CYFIP1: variants seen among roughly 807,000 people sequenced by gnomAD.
CYFIP1 encodes the protein cytoplasmic FMR1 interacting protein 1, also known as cytoplasmic FMR1-interacting protein 1.
CYFIP1 carries 58 observed loss-of-function variants against 163.5 expected under a neutral mutation model. The ratio of observed to expected loss-of-function variants is 0.35; its 90% CI spans 0.29 to 0.44. CYFIP1 has a LOEUF of 0.44. Ranked by LOEUF, CYFIP1 falls within the 20% of genes least tolerant of loss-of-function variation. The probability of loss-of-function intolerance (pLI) is 1.00; values close to 1 mark genes in which losing one functional copy is unlikely to be tolerated. For missense variants in CYFIP1, 1,338 were observed against 1,653.8 expected (o/e 0.81, Z 3.31); for synonymous variants, 663 against 660.7 (o/e 1.00, Z -0.05).
chr15:22,930,507 C>T (rs1203373304), intron 11 of CYFIP1, among the ~76,000 whole-genome samples: 2 of 151,700 alleles, frequency 1.3e-5, no homozygotes, highest in Non-Finnish European at 1.5e-5. Flanking sequence ...TCAACAAGAC[C>T]ACACACATGA....
chr15:22,917,952 G>C lies in CYFIP1; in HGVS notation c.1527-17C>G, dbSNP rs1000050554. 6.2e-7 allele frequency: 1 copy of C among 1,610,010 alleles called. No homozygotes were observed. Among genetic ancestry groups the C allele is most frequent in the Non-Finnish European group, 8.5e-7 (1 of 1,178,302 alleles). ...TGCAGGACACTGAACACCCCACCAAGTGATCAGCAAGGCCCAGAGGCCGAG... is the reference window on the plus strand; with the variant it reads ...TGCAGGACACTGAACACCCCACCAACTGATCAGCAAGGCCCAGAGGCCGAG... On this transcript the variant is annotated splice_polypyrimidine_tract_variant and intron_variant, in intron 14 of 30. Transcript: ENST00000617928. The surrounding 1 kb of genome is among the most constrained non-coding windows in gnomAD (Gnocchi z 4.2).
In CYFIP1 at chr15:22,943,280, T is replaced by G; in HGVS notation, c.462A>C (p.Ser154=). 6.2e-7 allele frequency: 1 copy of G among 1,614,228 alleles called. No homozygotes were observed. Among genetic ancestry groups the G allele is most frequent in the South Asian group, 1.1e-5 (1 of 91,090 alleles). The change falls in exon 6 of 31, where the codon TCA becomes TCC. Residue 154 remains serine (S), a synonymous_variant. Coordinates refer to ENST00000617928, the MANE Select transcript of CYFIP1 (RefSeq NM_014608.6). The part of the protein sequence containing the change: ...CHAERRKDFV[S]EAYLITLGKF... Reference sequence around the variant, plus strand: ...TGCCCAGTGTGATCAGGTAGGCTTCTGACACGAAGTCCTTCCTCCTCTCGG... The same window carrying G: ...TGCCCAGTGTGATCAGGTAGGCTTCGGACACGAAGTCCTTCCTCCTCTCGG...
At chr15:22,913,908 C>T (rs1255845708) in intron 17 of CYFIP1, among the ~76,000 whole-genome samples, 3 of 152,220 alleles carry the variant, frequency 2.0e-5, no homozygotes, top group Non-Finnish European at 2.9e-5. Context: ...CTGGGCACCA[C>T]AAGGGATGTG....
chr15:22,973,510 T>C (rs2063170248), intron 1 of CYFIP1, among the ~76,000 whole-genome samples: 1 of 152,050 alleles, frequency 6.6e-6, no homozygotes, highest in East Asian at 1.9e-4. Flanking sequence ...GTGTATCCTT[T>C]GACCAACATC....
In CYFIP1 at chr15:22,869,968, CT is replaced by C; in HGVS notation, c.*59del. On this transcript the variant is annotated 3_prime_UTR_variant, in exon 31 of 31. Transcript: ENST00000617928. ...TGAAAAATAGTCCCTAAAAATCTCA[CT>C]AAATAGTTTACGGAGAGAAAGGCAT... 1 of 1,463,778 alleles carries C rather than the reference CT, an allele frequency of 6.8e-7. No individual in the cohort carries two copies. Among genetic ancestry groups the C allele is most frequent in the Non-Finnish European group, 9.1e-7 (1 of 1,103,652 alleles). The allele number at this position is 1,463,778 out of a possible 1,614,324, so 90.7% of individuals were successfully genotyped here.
chr15:22,873,525 A>G lies in CYFIP1; in HGVS notation c.3415T>C (p.Cys1139Arg). 6.2e-7 allele frequency: 1 copy of G among 1,614,144 alleles called. No individual in the cohort carries two copies. The highest frequency in any genetic ancestry group is 8.5e-7 in the Non-Finnish European group (1 of 1,179,976). ...AACTCGTGTGTCCCCACGGGAATGC[A>G]GTAGACAAACTGCATGGCACTCCAC... ...RLWSAMQFVY[C>R]IPVGTHEFTV... The change falls in exon 29 of 31, where the codon TGC becomes CGC. Residue 1139 changes from cysteine to arginine, a missense_variant. By Grantham distance (180) the Cys-to-Arg change is radical. Coordinates refer to ENST00000617928, the MANE Select transcript of CYFIP1 (RefSeq NM_014608.6).
intron 12 of CYFIP1, among the ~76,000 whole-genome samples, chr15:22,927,520 C>T (rs576473599): frequency 3.4e-5 from 5 of 148,660 alleles, no homozygotes; most frequent in South Asian, 4.3e-4. Context: ...AGCCGGGAGC[C>T]GTGGTGCACA....
Position 22,970,920 on chromosome 15 carries a change from C to CA in CYFIP1, c.-7+9366dup, listed in dbSNP as rs2063072617. 1.3e-5 allele frequency among the ~76,000 whole-genome samples: 2 copies of CA among 151,894 alleles called. 1 individual carries two copies. The highest frequency in any genetic ancestry group is 1.3e-4 in the Admixed American group (2 of 15,220). On this transcript the variant is annotated intron_variant, in intron 1 of 30. Coordinates refer to ENST00000617928, the MANE Select transcript of CYFIP1 (RefSeq NM_014608.6). ...TGAAATCCCGTCTCTACTAAAAATA[C>CA]AAAAAATTAGCTGGGTGTGGTGGCG... is the stretch of plus-strand genomic sequence containing the variant.
Position 22,926,024 on chromosome 15 carries a change from C to T in CYFIP1, c.1317G>A (p.Thr439=), listed in dbSNP as rs765112283. The change falls in exon 13 of 31, where the codon ACG becomes ACA. Residue 439 remains threonine, a synonymous_variant. Coordinates refer to ENST00000617928, the MANE Select transcript of CYFIP1 (RefSeq NM_014608.6). Reference sequence around the variant, plus strand: ...TCTCCTCGCTGGTGTAGTTGTAGCGCGTGGCACGCTCGTACTCTTCAGCGC... The same window carrying T: ...TCTCCTCGCTGGTGTAGTTGTAGCGTGTGGCACGCTCGTACTCTTCAGCGC... ...PDSAEEYERA[T]RYNYTSEEKF... is the part of the protein sequence containing the mutation. 15 of 1,614,014 alleles carry T rather than the reference C, an allele frequency of 9.3e-6. No homozygotes were observed. Among genetic ancestry groups the T allele is most frequent in the East Asian group, 4.5e-5 (2 of 44,880 alleles).
chr15:22,891,403 C>T (rs1260355912), intron 23 of CYFIP1, among the ~76,000 whole-genome samples: 2 of 152,094 alleles, frequency 1.3e-5, no homozygotes, highest in African/African-American at 2.4e-5. Context: ...CCAGCCTGGG[C>T]GACAAAGTGA....
intron 11 of CYFIP1, among the ~76,000 whole-genome samples, chr15:22,929,962 T>G (rs1454879509): frequency 6.6e-6 from 1 of 151,062 alleles, no homozygotes; most frequent in Non-Finnish European, 1.5e-5. Context: ...AAGACTAGAT[T>G]ATGACATAAT....
At chr15:22,872,626 A>C in intron 30 of CYFIP1, 199 bp downstream of exon 30, 1 of 568,272 alleles carries the variant, frequency 1.8e-6, no homozygotes, top group South Asian at 2.1e-5. Context: ...AGGAAAACGG[A>C]ACAATGAGTA....
chr15:22,953,443 G>A (rs1192217960), intron 1 of CYFIP1, among the ~76,000 whole-genome samples: 1 of 152,162 alleles, frequency 6.6e-6, no homozygotes, highest in Non-Finnish European at 1.5e-5. Context: ...TGCACCCTGG[G>A]ATTTTTTCCG....
At chr15:22,939,352 G>C in intron 7 of CYFIP1, 32 bp from the exon 8 acceptor site, 1 of 1,614,058 alleles carries the variant, frequency 6.2e-7, no homozygotes, top group Non-Finnish European at 8.5e-7. Context: ...TCATGCATGG[G>C]CCCGGCGCCC....
At position 22,875,284 on chromosome 15, in the gene CYFIP1, A is replaced by G. The variant is rs972423398; in HGVS notation, c.3043-13T>C. ...CTTCTTCTAAAGACTAGAGCAGAGA[A>G]AGAGAGGGTCAAGCTAGGAAGGGTA... On this transcript the variant is annotated splice_polypyrimidine_tract_variant and intron_variant, in intron 26 of 30. Coordinates refer to ENST00000617928, the MANE Select transcript of CYFIP1 (RefSeq NM_014608.6). 5.0e-6 allele frequency: 8 copies of G among 1,613,062 alleles called. No homozygotes were observed. The highest frequency in any genetic ancestry group is 6.8e-6 in the Non-Finnish European group (8 of 1,179,102).
At chr15:22,920,298 A>T (rs1387751632) in intron 13 of CYFIP1, among the ~76,000 whole-genome samples, 1 of 150,374 alleles carries the variant, frequency 6.7e-6, no homozygotes, top group Non-Finnish European at 1.5e-5. Flanking sequence ...CTGGGTAACT[A>T]GTTCTATAAG....
Position 22,873,747 on chromosome 15 carries a change from C to T in CYFIP1, c.3211-18G>A, listed in dbSNP as rs766153086. 6.9e-6 allele frequency: 11 copies of T among 1,593,234 alleles called. No individual in the cohort carries two copies. The highest frequency in any genetic ancestry group is 1.1e-5 in the South Asian group (1 of 88,926). On this transcript the variant is annotated intron_variant, in intron 28 of 30. Coordinates refer to ENST00000617928, the MANE Select transcript of CYFIP1 (RefSeq NM_014608.6). ...GCAATTTGCTGCAGAAAGGACAAGC[C>T]GTGGAATGCCGTGGGCCTCCAGGCA...
At chr15:22,902,470 T>G (rs1479779736) in intron 22 of CYFIP1, among the ~76,000 whole-genome samples, 1 of 152,234 alleles carries the variant, frequency 6.6e-6, no homozygotes, top group Non-Finnish European at 1.5e-5. Context: ...TCTGGGGAGT[T>G]CACTCATTTT....
intron 22 of CYFIP1, among the ~76,000 whole-genome samples, chr15:22,899,692 G>A (rs146230773): frequency 2.0e-5 from 3 of 152,098 alleles, no homozygotes; most frequent in East Asian, 1.9e-4. Context: ...TGTCTTTATC[G>A]GCAGTGTGAA....
Sources: allele counts gnomAD v4.1 joint callset (sites outside exome capture counted in the v4.1 genomes callset), GRCh38; gene constraint gnomAD v4.1.1; non-coding constraint Gnocchi (gnomAD v3.1); transcripts MANE v1.5; gene names NCBI Gene and HGNC (gene_info 2026-07-23, HGNC 2026-07-21).